The following HS3ST4 variants were observed in gnomAD, a reference collection of about 807,000 sequenced individuals.
HS3ST4 encodes the protein heparan sulfate glucosamine 3-O-sulfotransferase 4.
In HS3ST4, 17 loss-of-function variants were observed where a neutral mutation model predicts 29.2. The observed-to-expected ratio is 0.58, with a 90% CI of 0.40 to 0.87. The LOEUF is 0.87. HS3ST4 is among the 40% of genes least tolerant of loss of function. The pLI is 0.00. For missense variants in HS3ST4, 627 were observed against 634.5 expected, an observed-to-expected ratio of 0.99 and a Z score of 0.13; for synonymous variants, 314 against 285.7, an observed-to-expected ratio of 1.10 and a Z score of -1.00.
At position 25,765,889 on chromosome 16, in the gene HS3ST4, G is replaced by A. The variant is rs142717068; in HGVS notation, c.734+72738G>A. On this transcript the variant is annotated intron_variant, in intron 1 of 1. Transcript: ENST00000331351. ...GAGGGGGTTTGGATGTGGTTGGACC[G>A]TGGCTGACTTGCCAGCGTCTCTAGT... 9.2e-5 allele frequency among the ~76,000 whole-genome samples: 14 copies of A among 152,256 alleles called. No individual in the cohort carries two copies. In the East Asian group the frequency reaches 1.9e-3, roughly 21 times the overall value.
At chr16:25,988,558 C>T (rs545744283) in intron 1 of HS3ST4, among the ~76,000 whole-genome samples, 2 of 152,190 alleles carry the variant, frequency 1.3e-5, no homozygotes, top group African/African-American at 2.4e-5. Context: ...GGTGATACAG[C>T]TAAGTTATCT....
chr16:25,749,233 C>T (rs527745372), intron 1 of HS3ST4, among the ~76,000 whole-genome samples: 1 of 152,296 alleles, frequency 6.6e-6, no homozygotes, highest in Admixed American at 6.5e-5. Flanking sequence ...GTGGCTCACA[C>T]CTGTAATCCC....
chr16:26,066,629 A>G (rs984062825), intron 1 of HS3ST4, among the ~76,000 whole-genome samples: 1 of 152,160 alleles, frequency 6.6e-6, no homozygotes, highest in African/African-American at 2.4e-5. Flanking sequence ...ACTTAGGTAA[A>G]TGAGACTCAC....
intron 1 of HS3ST4, among the ~76,000 whole-genome samples, chr16:26,070,974 AG>A (rs1898596716): frequency 6.6e-6 from 1 of 152,222 alleles, no homozygotes; most frequent in Non-Finnish European, 1.5e-5. Context: ...TCTTCATTAA[AG>A]CCTCCTTCCA....
At chr16:26,125,368 C>G (rs1234421900) in intron 1 of HS3ST4, among the ~76,000 whole-genome samples, 1 of 152,222 alleles carries the variant, frequency 6.6e-6, no homozygotes, top group Non-Finnish European at 1.5e-5. Flanking sequence ...GAGCATACAA[C>G]CTAGATCTCT....
At chr16:25,769,278 G>C (rs1412276766) in intron 1 of HS3ST4, among the ~76,000 whole-genome samples, 3 of 152,034 alleles carry the variant, frequency 2.0e-5, no homozygotes, top group Admixed American at 1.3e-4. Flanking sequence ...GTGTGTGTCT[G>C]TGTGTGTGTG....
At chr16:26,120,884 C>G (rs1202374445) in intron 1 of HS3ST4, among the ~76,000 whole-genome samples, 3 of 152,184 alleles carry the variant, frequency 2.0e-5, no homozygotes, top group Non-Finnish European at 4.4e-5. Context: ...TGGCACAGGT[C>G]CTAAGATTAC....
Position 25,692,754 on chromosome 16 carries a change from G to T in HS3ST4, c.337G>T (p.Glu113Ter). Residue 113 changes from glutamate (E) to a stop codon, truncating the protein, a stop_gained, in exon 1 of 2, where the codon GAG becomes TAG. Coordinates refer to ENST00000331351, the MANE Select transcript of HS3ST4 (RefSeq NM_006040.3). LOFTEE classifies it high-confidence loss of function. ...CAACGCGAGCCACGGGGAGCCGCCC[G>T]AGCCCCCAGAGCAGCCAGCCGCCCC... Reference protein sequence around the residue: ...LDNASHGEPPEPPEQPAAPGT... With the variant: ...LDNASHGEPP The T allele has an allele frequency of 1.5e-6, 2 of 1,293,368 alleles. No homozygotes were observed. The highest frequency in any genetic ancestry group is 2.7e-5 in the South Asian group (1 of 37,304). 80.1% of individuals were successfully genotyped at this position (1,293,368 alleles called of 1,614,324 possible).
rs118062483 is a variant in HS3ST4, at chr16:25,865,370, A to T, written c.734+172219A>T. ...TCTGACAGGTGTGAGGTGGTATTTC[A>T]TTGTGGTTTTTATTTGCACTTCTCT... On this transcript the variant is annotated intron_variant, in intron 1 of 1. Transcript: ENST00000331351. 1.4e-3 allele frequency among the ~76,000 whole-genome samples: 220 copies of T among 152,168 alleles called. 1 individual carries two copies. The highest frequency in any genetic ancestry group is 3.3e-3 in the Admixed American group (51 of 15,272).
chr16:26,018,510 G>A (rs1444775940), intron 1 of HS3ST4, among the ~76,000 whole-genome samples: 1 of 152,160 alleles, frequency 6.6e-6, no homozygotes, highest in African/African-American at 2.4e-5. Context: ...GAACCAAAGA[G>A]ACATCATGGT....
intron 1 of HS3ST4, among the ~76,000 whole-genome samples, chr16:25,758,935 A>G (rs187573577): frequency 6.6e-6 from 1 of 151,882 alleles, no homozygotes; most frequent in East Asian, 1.9e-4. Context: ...CAGCCTGGGT[A>G]ACAGAGTGAG....
chr16:25,909,292 G>A (rs190382243), intron 1 of HS3ST4, among the ~76,000 whole-genome samples: 22 of 152,182 alleles, frequency 1.4e-4, no homozygotes, highest in African/African-American at 4.8e-4. Context: ...GGACTCGAGC[G>A]ATTCTCCTTC....
chr16:26,070,774 A>G (rs893151791), intron 1 of HS3ST4, among the ~76,000 whole-genome samples: 7 of 152,224 alleles, frequency 4.6e-5, no homozygotes, highest in African/African-American at 1.7e-4. Context: ...CTTCCTGATC[A>G]TATCACTTTG....
At chr16:26,051,551 A>G (rs1054313088) in intron 1 of HS3ST4, among the ~76,000 whole-genome samples, 1 of 152,138 alleles carries the variant, frequency 6.6e-6, no homozygotes, top group African/African-American at 2.4e-5. Context: ...AAATATGTCA[A>G]AGATCACACA....
intron 1 of HS3ST4, among the ~76,000 whole-genome samples, chr16:25,873,682 ATCCATCCATCCATCCATCCATCCATCTG>A: frequency 6.7e-6 from 1 of 149,850 alleles, no homozygotes; most frequent in Non-Finnish European, 1.5e-5. Flanking sequence ...CCATCCATCC[ATCCATCCATCCATCCATCCATCCATCTG>A]TCCATCTATC....
At chr16:26,107,723 T>C (rs1899075812) in intron 1 of HS3ST4, among the ~76,000 whole-genome samples, 1 of 152,212 alleles carries the variant, frequency 6.6e-6, no homozygotes, top group South Asian at 2.1e-4. Context: ...AGACATGATT[T>C]CATTCTCCTT....
intron 1 of HS3ST4, among the ~76,000 whole-genome samples, chr16:25,990,307 A>G (rs1016572182): frequency 6.6e-6 from 1 of 152,210 alleles, no homozygotes; most frequent in African/African-American, 2.4e-5. Context: ...TGGTAAGGGT[A>G]TGATGAGCTT....
At chr16:25,776,446 C>T (rs1225725495) in intron 1 of HS3ST4, among the ~76,000 whole-genome samples, 1 of 152,200 alleles carries the variant, frequency 6.6e-6, no homozygotes, top group African/African-American at 2.4e-5. Flanking sequence ...AGCCACCTCC[C>T]CACTTTGAGT....
In HS3ST4 at chr16:26,136,089, T is replaced by G; in HGVS notation, c.1212T>G (p.Ser404Arg). 6.2e-7 allele frequency: 1 copy of G among 1,613,734 alleles called. No homozygotes were observed. Among genetic ancestry groups the G allele is most frequent in the South Asian group, 1.1e-5 (1 of 91,066 alleles). ...GCCTAAAGAAGCCAGAAGACAGCAGTGCCCCGAGGTGCTTAGGCAAGAGCA... is the reference window on the plus strand; with the variant it reads ...GCCTAAAGAAGCCAGAAGACAGCAGGGCCCCGAGGTGCTTAGGCAAGAGCA... ...FPCLKKPEDS[S>R]APRCLGKSKG... Residue 404 changes from serine (S) to arginine (R), a missense_variant, in exon 2 of 2, where the codon AGT (serine) becomes AGG (arginine). Transcript: ENST00000331351.
Sources: allele counts gnomAD v4.1 joint callset (sites outside exome capture counted in the v4.1 genomes callset), GRCh38; gene constraint gnomAD v4.1.1; transcripts MANE v1.5; gene names NCBI Gene and HGNC (gene_info 2026-07-23, HGNC 2026-07-21).